ITPR1: variants seen among roughly 807,000 people sequenced by gnomAD.
ITPR1 encodes inositol 1,4,5-trisphosphate-gated calcium channel ITPR1.
In ITPR1, 96 loss-of-function variants were observed where a neutral mutation model predicts 318.4. The ratio of observed to expected loss-of-function variants is 0.30; its 90% CI spans 0.26 to 0.36. The LOEUF (loss-of-function observed/expected upper bound fraction) is 0.36. ITPR1 is among the 10% of genes least tolerant of loss of function. The pLI is 1.00. For synonymous variants in ITPR1, 1,312 were observed against 1,289.9 expected, an observed-to-expected ratio of 1.02 and a Z score of -0.37; for missense variants, 2,440 against 3,460.2, an observed-to-expected ratio of 0.71 and a Z score of 7.40.
chr3:4,611,127 G>A lies in ITPR1; in HGVS notation c.164-16636G>A, dbSNP rs1028624916. Among the ~76,000 whole-genome samples the A allele has an allele frequency of 2.8e-5, 4 of 140,514 alleles. No homozygotes were observed. The Admixed American group carries it at 3.0e-4, about 11-fold the overall frequency. The allele number at this position is 140,514 out of a possible 152,430, so 92.2% of individuals were successfully genotyped here. A position where few individuals can be genotyped will look rare whatever the true frequency, so the allele number is the denominator to read the frequency against. On this transcript the variant is annotated intron_variant, in intron 4 of 61. Transcript: ENST00000649015. ...AGAAAAATAACTGCCAGCCATGGTG[G>A]CTCACGCCTGTTATCTCAGCACTTT... is the stretch of plus-strand genomic sequence containing the variant.
chr3:4,532,960 A>G (rs756323154), intron 4 of ITPR1, among the ~76,000 whole-genome samples: 3 of 152,232 alleles, frequency 2.0e-5, no homozygotes, highest in African/African-American at 7.2e-5. Flanking sequence ...GATTTTGCAG[A>G]GGGAATTTCT....
chr3:4,833,128 T>TA (rs1390398691), intron 60 of ITPR1, among the ~76,000 whole-genome samples: 1 of 152,228 alleles, frequency 6.6e-6, no homozygotes, highest in East Asian at 1.9e-4. Context: ...AAAAGTTCAG[T>TA]AAAAAGCTGT....
At chr3:4,682,332 A>G (rs77544032) in intron 26 of ITPR1, among the ~76,000 whole-genome samples, 1 of 152,252 alleles carries the variant, frequency 6.6e-6, no homozygotes, top group Admixed American at 6.5e-5. Context: ...TGGCTGACTC[A>G]AAAAGCAAAT....
intron 32 of ITPR1, among the ~76,000 whole-genome samples, chr3:4,691,545 T>C (rs2094478530): frequency 6.6e-6 from 1 of 152,186 alleles, no homozygotes; most frequent in Non-Finnish European, 1.5e-5. Flanking sequence ...TGATATTTCA[T>C]AGCAACCAAT....
At chr3:4,670,611 C>T in intron 19 of ITPR1, 118 bp from the exon 20 acceptor site, 1 of 745,128 alleles carries the variant, frequency 1.3e-6, no homozygotes, top group Non-Finnish European at 2.3e-6. Context: ...GCGGCTCTGC[C>T]CTTGGGGGAA....
intron 4 of ITPR1, among the ~76,000 whole-genome samples, chr3:4,583,626 C>T (rs1379344763): frequency 2.0e-5 from 3 of 152,218 alleles, no homozygotes; most frequent in Non-Finnish European, 2.9e-5. Context: ...GCCTGTTCCT[C>T]CTTGGCTTTT....
intron 4 of ITPR1, among the ~76,000 whole-genome samples, chr3:4,573,107 A>G (rs969161398): frequency 2.0e-5 from 3 of 152,180 alleles, no homozygotes; most frequent in Non-Finnish European, 2.9e-5. Flanking sequence ...ATATACCAGA[A>G]CCGGAATTAC....
intron 44 of ITPR1, among the ~76,000 whole-genome samples, chr3:4,762,159 G>A (rs1025645877): frequency 2.0e-5 from 3 of 152,166 alleles, no homozygotes; most frequent in Non-Finnish European, 2.9e-5. Context: ...TTCTTCGGGG[G>A]TACCTTTTTA....
At chr3:4,806,756 C>G (rs951010876) in intron 55 of ITPR1, among the ~76,000 whole-genome samples, 1 of 152,102 alleles carries the variant, frequency 6.6e-6, no homozygotes, top group African/African-American at 2.4e-5. Context: ...CTAGGAGACC[C>G]TTTCAGTAGC....
chr3:4,708,418 C>T (rs548741305), intron 37 of ITPR1, among the ~76,000 whole-genome samples: 189 of 152,130 alleles, frequency 1.2e-3, no homozygotes, highest in African/African-American at 4.4e-3. Context: ...GGGAGGCTGG[C>T]GGGATTTCTC....
At chr3:4,691,114 C>T in intron 31 of ITPR1, 30 bp from the exon 32 acceptor site, 5 of 1,519,442 alleles carry the variant, frequency 3.3e-6, no homozygotes, top group Admixed American at 1.8e-5. Context: ...TTGACTTGTC[C>T]CTGTGCTCTT....
intron 4 of ITPR1, among the ~76,000 whole-genome samples, chr3:4,602,897 A>G (rs2091405800): frequency 6.6e-6 from 1 of 151,420 alleles, no homozygotes; most frequent in African/African-American, 2.4e-5. Context: ...TTTGTGGGGG[A>G]TAATGCAAAT....
chr3:4,685,259 G>A lies in ITPR1; in HGVS notation c.3702+53G>A. 3.3e-6 allele frequency: 5 copies of A among 1,519,072 alleles called. No homozygotes were observed. The South Asian group carries it at 6.3e-5, about 19-fold the overall frequency. 94.1% of individuals were successfully genotyped at this position (1,519,072 alleles called of 1,614,324 possible). A position where few individuals can be genotyped will look rare whatever the true frequency, so the allele number is the denominator to read the frequency against. On this transcript the variant is annotated intron_variant, in intron 30 of 61. Coordinates refer to ENST00000649015, the MANE Select transcript of ITPR1 (RefSeq NM_001378452.1). ...GCTCTCAGGATGGGGCGGATCCCTG[G>A]GTTTCCCCAAACTCTTCACATCTGG...
At chr3:4,818,717 A>G (rs749148465) in intron 60 of ITPR1, among the ~76,000 whole-genome samples, 1 of 152,152 alleles carries the variant, frequency 6.6e-6, no homozygotes, top group South Asian at 2.1e-4. Flanking sequence ...ACACTCTACT[A>G]ATCGTTAAGA....
chr3:4,752,239 A>T (rs1456849880), intron 44 of ITPR1, among the ~76,000 whole-genome samples: 1 of 152,210 alleles, frequency 6.6e-6, no homozygotes, highest in Non-Finnish European at 1.5e-5. Flanking sequence ...TCCTTGCAAC[A>T]CAAACCCACA....
At chr3:4,679,825 T>C (rs1303319356) in intron 24 of ITPR1, among the ~76,000 whole-genome samples, 1 of 152,092 alleles carries the variant, frequency 6.6e-6, no homozygotes, top group Non-Finnish European at 1.5e-5. Flanking sequence ...ACACATACAC[T>C]GAGAGCATGG....
chr3:4,626,083 G>A (rs994703602), intron 4 of ITPR1, among the ~76,000 whole-genome samples: 3 of 152,030 alleles, frequency 2.0e-5, no homozygotes, highest in African/African-American at 7.3e-5. Flanking sequence ...AGGCTGTAGT[G>A]TGCTATGATT....
intron 46 of ITPR1, 146 bp downstream of exon 46, chr3:4,768,910 TC>T (rs1575181574): frequency 2.9e-5 from 21 of 735,102 alleles, no homozygotes; most frequent in East Asian, 2.0e-4. Flanking sequence ...TTTTCTTTTT[TC>T]TTTTTTCTTT....
intron 4 of ITPR1, among the ~76,000 whole-genome samples, chr3:4,586,266 G>A (rs573235667): frequency 6.6e-6 from 1 of 152,202 alleles, no homozygotes; most frequent in Non-Finnish European, 1.5e-5. Flanking sequence ...TGTTGCACCT[G>A]TTCTGTTCTG....
Sources: allele counts gnomAD v4.1 joint callset (sites outside exome capture counted in the v4.1 genomes callset), GRCh38; gene constraint gnomAD v4.1.1; transcripts MANE v1.5; gene names NCBI Gene and HGNC (gene_info 2026-07-23, HGNC 2026-07-21).